DOCK10: variants seen among roughly 807,000 people sequenced by gnomAD.
DOCK10 encodes dedicator of cytokinesis protein 10.
DOCK10 carries 145 observed loss-of-function variants against 280.1 expected under a neutral mutation model. The observed-to-expected ratio is 0.52, with a 90% confidence interval of 0.45 to 0.59. The LOEUF (loss-of-function observed/expected upper bound fraction) is 0.59. DOCK10 is among the 20% of genes least tolerant of loss of function. The probability of loss-of-function intolerance (pLI) is 0.00; values close to 1 mark genes in which losing one functional copy is unlikely to be tolerated. For synonymous variants in DOCK10, 915 were observed against 942.2 expected (o/e 0.97, Z 0.53); for missense variants, 2,368 against 2,651.7 (o/e 0.89, Z 2.35).
intron 1 of DOCK10, among the ~76,000 whole-genome samples, chr2:224,979,960 T>C (rs1705661303): frequency 1.8e-5 from 1 of 54,770 alleles, no homozygotes. Context: ...GTCTGTGATC[T>C]TATAAAAAAA....
At chr2:224,851,296 A>G (rs997349299) in intron 18 of DOCK10, among the ~76,000 whole-genome samples, 1 of 152,174 alleles carries the variant, frequency 6.6e-6, no homozygotes, top group African/African-American at 2.4e-5. Flanking sequence ...TTTTCCTCAC[A>G]AAAACACTGC....
chr2:224,851,398 C>T (rs1259865822), intron 18 of DOCK10, among the ~76,000 whole-genome samples: 2 of 149,868 alleles, frequency 1.3e-5, no homozygotes, highest in Non-Finnish European at 3.0e-5. Flanking sequence ...GATGCTAACA[C>T]TATTTTGGAG....
At chr2:224,815,449 T>C (rs1365524287) in intron 30 of DOCK10, among the ~76,000 whole-genome samples, 5 of 151,958 alleles carry the variant, frequency 3.3e-5, no homozygotes, top group Non-Finnish European at 7.4e-5. Context: ...GGCTAACCAA[T>C]AATAACTTGG....
Position 224,840,433 on chromosome 2 carries a change from A to G in DOCK10, c.2662-361T>C, listed in dbSNP as rs563930628. ...CAATAGTAAGAAAACAAATAACCCAATGAAAAAATGGGCAAGGGACCCAAA... is the reference window on the plus strand; with the variant it reads ...CAATAGTAAGAAAACAAATAACCCAGTGAAAAAATGGGCAAGGGACCCAAA... On this transcript the variant is annotated intron_variant, in intron 23 of 55. Transcript: ENST00000258390. Among the ~76,000 whole-genome samples, 7 of 152,228 alleles carry G rather than the reference A, an allele frequency of 4.6e-5. No homozygotes were observed. In the East Asian group the frequency reaches 5.8e-4, roughly 13 times the overall value.
chr2:224,820,333 G>C (rs908089738), intron 28 of DOCK10, among the ~76,000 whole-genome samples: 3 of 152,216 alleles, frequency 2.0e-5, no homozygotes, highest in African/African-American at 4.8e-5. Context: ...CAGTAACCAA[G>C]CTACCACGGC....
At chr2:224,957,612 C>T (rs1351495814) in intron 1 of DOCK10, among the ~76,000 whole-genome samples, 18 of 152,086 alleles carry the variant, frequency 1.2e-4, no homozygotes, top group Admixed American at 1.0e-3. Flanking sequence ...GCTTCCAGAG[C>T]CAGGGATCTC....
chr2:224,871,891 G>T lies in DOCK10; in HGVS notation c.1257+2105C>A, dbSNP rs531078808. ...TGCATAATGTGCACTTAAATTGTGA[G>T]TTTTCTTGTTTACTTTCTGCCGTTT... On this transcript the variant is annotated intron_variant, in intron 11 of 55. Transcript: ENST00000258390. Among the ~76,000 whole-genome samples, 20 of 152,146 alleles carry T rather than the reference G, an allele frequency of 1.3e-4. No individual in the cohort carries two copies. The South Asian group carries it at 3.5e-3, about 27-fold the overall frequency.
intron 2 of DOCK10, among the ~76,000 whole-genome samples, chr2:224,930,738 C>T (rs1379876655): frequency 6.6e-6 from 1 of 152,154 alleles, no homozygotes; most frequent in Non-Finnish European, 1.5e-5. Context: ...CTTCAGCTGC[C>T]TTTTTATTTG....
rs1190726201 is a variant in DOCK10, at chr2:224,786,977, C to T, written c.5655+45G>A. On this transcript the variant is annotated intron_variant, in intron 50 of 55. Transcript: ENST00000258390. This position sits in a 1 kb window ranked among gnomAD's most constrained non-coding sequence, Gnocchi z 4.7. Reference sequence around the variant, plus strand: ...ATAAAGAATGAAAGACAACATTCAACTGCTCAGCAGAATTTATGGGCCGTG... The same window carrying T: ...ATAAAGAATGAAAGACAACATTCAATTGCTCAGCAGAATTTATGGGCCGTG... 7.1e-7 allele frequency: 1 copy of T among 1,401,364 alleles called. No individual in the cohort carries two copies. Among genetic ancestry groups the T allele is most frequent in the East Asian group, 2.3e-5 (1 of 43,910 alleles). 86.8% of individuals were successfully genotyped at this position (1,401,364 alleles called of 1,614,324 possible).
intron 14 of DOCK10, 45 bp from the exon 15 acceptor site, chr2:224,857,027 T>G: frequency 6.7e-7 from 1 of 1,499,750 alleles, no homozygotes; most frequent in Non-Finnish European, 9.0e-7. Flanking sequence ...ATATTGTTTA[T>G]AAAGTTGTGT....
At chr2:224,973,033 C>G (rs1705186735) in intron 1 of DOCK10, among the ~76,000 whole-genome samples, 1 of 152,200 alleles carries the variant, frequency 6.6e-6, no homozygotes, top group Admixed American at 6.5e-5. Flanking sequence ...AAGTAAGTTT[C>G]TGCTTAACAG....
intron 1 of DOCK10, among the ~76,000 whole-genome samples, chr2:225,025,142 C>T (rs376201662): frequency 2.6e-5 from 4 of 152,282 alleles, no homozygotes; most frequent in African/African-American, 9.6e-5. Context: ...TGCAAGCTCT[C>T]TGGGCTTTGG....
intron 15 of DOCK10, among the ~76,000 whole-genome samples, chr2:224,856,573 G>A (rs1697159405): frequency 6.6e-6 from 1 of 152,220 alleles, no homozygotes; most frequent in South Asian, 2.1e-4. Context: ...TGTGGACTCA[G>A]GAGTACAATT....
chr2:224,916,829 T>C, intron 2 of DOCK10, 45 bp from the exon 3 acceptor site: 2 of 1,464,902 alleles, frequency 1.4e-6, no homozygotes, highest in Non-Finnish European at 1.9e-6. Flanking sequence ...GGCTTAGAAG[T>C]GTCGAGCAGA....
intron 2 of DOCK10, among the ~76,000 whole-genome samples, chr2:224,920,598 G>A (rs145140039): frequency 8.8e-6 from 1 of 113,530 alleles, no homozygotes; most frequent in African/African-American, 3.1e-5. Context: ...ATATGGTGTT[G>A]CTTGGTTTCC....
intron 29 of DOCK10, 41 bp from the exon 30 acceptor site, chr2:224,816,754 A>G (rs1430648002): frequency 9.0e-7 from 1 of 1,107,120 alleles, no homozygotes; most frequent in East Asian, 2.5e-5. Flanking sequence ...CTTACAGACC[A>G]AGAAACTGAA....
At chr2:224,801,877 C>T (rs1387530142) in intron 40 of DOCK10, 39 bp downstream of exon 40, 1 of 1,604,882 alleles carries the variant, frequency 6.2e-7, no homozygotes, top group Non-Finnish European at 8.5e-7. Context: ...TAGAGAAAAA[C>T]TGGTAACCAT....
At chr2:225,006,957 G>C (rs1174253502) in intron 1 of DOCK10, among the ~76,000 whole-genome samples, 2 of 152,204 alleles carry the variant, frequency 1.3e-5, no homozygotes, top group African/African-American at 2.4e-5. Flanking sequence ...GCAGTCAAGA[G>C]CTCTCAGGAT....
chr2:225,013,435 T>C (rs1001647072), intron 1 of DOCK10, among the ~76,000 whole-genome samples: 6 of 152,172 alleles, frequency 3.9e-5, no homozygotes, highest in African/African-American at 1.4e-4. Flanking sequence ...GTCTCAGAAA[T>C]GGCTCCACAA....
Sources: allele counts gnomAD v4.1 joint callset (sites outside exome capture counted in the v4.1 genomes callset), GRCh38; gene constraint gnomAD v4.1.1; non-coding constraint Gnocchi (gnomAD v3.1); transcripts MANE v1.5; gene names NCBI Gene and HGNC (gene_info 2026-07-23, HGNC 2026-07-21).